Variants in LRP1B observed in about 807,000 individuals in gnomAD.
The protein encoded by LRP1B is low-density lipoprotein receptor-related protein 1B.
In LRP1B, 217 loss-of-function variants were observed where a neutral mutation model predicts 556.6. That is an observed-to-expected ratio of 0.39 (90% CI 0.35 to 0.44). The LOEUF (loss-of-function observed/expected upper bound fraction) is 0.44. Among genes scored for constraint, LRP1B ranks in the 20% least tolerant of loss-of-function variants. The pLI is 1.00. For missense variants in LRP1B, 5,053 were observed against 5,620.8 expected (o/e 0.90, Z 3.23); for synonymous variants, 2,047 against 1,865.8 (o/e 1.10, Z -2.50).
intron 2 of LRP1B, among the ~76,000 whole-genome samples, chr2:141,638,383 T>A (rs1175407740): frequency 6.6e-6 from 1 of 151,892 alleles, no homozygotes; most frequent in Non-Finnish European, 1.5e-5. Context: ...AAATCTCTTT[T>A]TTTGTTGTTG....
intron 1 of LRP1B, among the ~76,000 whole-genome samples, chr2:141,819,480 C>T (rs1385243706): frequency 2.0e-5 from 3 of 151,992 alleles, no homozygotes; most frequent in Non-Finnish European, 4.4e-5. Context: ...TTGAGATAAG[C>T]CAGGAAAAGA....
intron 3 of LRP1B, among the ~76,000 whole-genome samples, chr2:141,392,478 A>AG (rs1242838424): frequency 4.1e-5 from 6 of 145,840 alleles, no homozygotes; most frequent in African/African-American, 1.6e-4. Flanking sequence ...AAAAAAAAAA[A>AG]AAAGAGAGAC....
intron 43 of LRP1B, among the ~76,000 whole-genome samples, chr2:140,590,445 G>A (rs116640880): frequency 0.02 from 3,027 of 151,650 alleles, 50 homozygotes; most frequent in Non-Finnish European, 0.032. Flanking sequence ...TTGAAGCCCT[G>A]ACTCCCAATA....
chr2:141,709,606 C>T (rs931798538), intron 2 of LRP1B, among the ~76,000 whole-genome samples: 7 of 151,968 alleles, frequency 4.6e-5, no homozygotes, highest in Non-Finnish European at 8.8e-5. Flanking sequence ...AGTATTAAGA[C>T]GTATGAGTAA....
intron 66 of LRP1B, among the ~76,000 whole-genome samples, chr2:140,419,146 G>A (rs562194926): frequency 6.6e-6 from 1 of 152,140 alleles, no homozygotes; most frequent in East Asian, 1.9e-4. Flanking sequence ...ATAATCAAAA[G>A]AAACCTGGAG....
chr2:140,891,349 C>T (rs1031302832), intron 23 of LRP1B, among the ~76,000 whole-genome samples: 1 of 152,096 alleles, frequency 6.6e-6, no homozygotes. Flanking sequence ...GAAAAAGAGT[C>T]CTTCTTCAGA....
chr2:141,763,916 T>C (rs1053307852), intron 2 of LRP1B, among the ~76,000 whole-genome samples: 1 of 152,070 alleles, frequency 6.6e-6, no homozygotes, highest in Non-Finnish European at 1.5e-5. Flanking sequence ...ATATCAACAA[T>C]GGTAACCTCT....
At chr2:141,444,739 C>G (rs1377372828) in intron 3 of LRP1B, among the ~76,000 whole-genome samples, 2 of 152,120 alleles carry the variant, frequency 1.3e-5, no homozygotes, top group African/African-American at 4.8e-5. Context: ...TTATTGATTT[C>G]CACATGTTAA....
At chr2:141,091,423 C>A (rs558287082) in intron 7 of LRP1B, among the ~76,000 whole-genome samples, 5 of 152,254 alleles carry the variant, frequency 3.3e-5, no homozygotes, top group South Asian at 4.2e-4. Flanking sequence ...ACAACAACAA[C>A]AAAAAACATT....
At chr2:141,150,869 T>TTGTGTGTA (rs1553467369) in intron 7 of LRP1B, among the ~76,000 whole-genome samples, 1 of 138,626 alleles carries the variant, frequency 7.2e-6, no homozygotes, top group Non-Finnish European at 1.5e-5. Flanking sequence ...TCATGCTGGT[T>TTGTGTGTA]TGTGTGTGTG....
In LRP1B at chr2:140,603,846, TTTAA is replaced by T. The variant is rs200129405; in HGVS notation, c.6800-2211_6800-2208del. On this transcript the variant is annotated intron_variant, in intron 41 of 90. Coordinates refer to ENST00000389484, the MANE Select transcript of LRP1B (RefSeq NM_018557.3). ...TGTTTAGATCCTTATAAAATTATAT[TTTAA>T]TTAACAAAAAGCCAATTAAAATTAT... Among the ~76,000 whole-genome samples, 1,030 of 152,242 alleles carry T rather than the reference TTTAA, an allele frequency of 6.8e-3. 11 individuals are homozygous for T. Among genetic ancestry groups the T allele is most frequent in the African/African-American group, 0.023 (968 of 41,540 alleles).
chr2:141,801,967 G>A (rs1389205521), intron 2 of LRP1B, among the ~76,000 whole-genome samples: 5 of 152,036 alleles, frequency 3.3e-5, no homozygotes, highest in Non-Finnish European at 7.4e-5. Context: ...GATGGCTTAA[G>A]CAACAGAAAT....
rs139037670 is a variant in LRP1B, at chr2:141,450,286, T to G, written c.343+30110A>C. ...GCTAATAGTGAATAAGAGCACAGGT[T>G]CCAGAGTCTGGCCAAATATCAAATT... On this transcript the variant is annotated intron_variant, in intron 3 of 90. Transcript: ENST00000389484. Among the ~76,000 whole-genome samples, 1,364 of 152,292 alleles carry G rather than the reference T, an allele frequency of 9.0e-3. 20 individuals are homozygous for G. The highest frequency in any genetic ancestry group is 0.031 in the African/African-American group (1,288 of 41,566).
chr2:141,254,663 A>AGAGAATATATTTG, intron 3 of LRP1B, 22 bp from the exon 4 acceptor site: 1 of 1,551,520 alleles, frequency 6.4e-7, no homozygotes, highest in Non-Finnish European at 8.8e-7. Flanking sequence ...AAACAAATAT[A>AGAGAATATATTTG]TTCTCTATAT....
rs1319475897 is a variant in LRP1B, at chr2:140,776,232, T to C, written c.5366A>G (p.Lys1789Arg). 1 of 1,580,570 alleles carries C rather than the reference T, an allele frequency of 6.3e-7. No homozygotes were observed. Among genetic ancestry groups the C allele is most frequent in the Non-Finnish European group, 8.6e-7 (1 of 1,165,720 alleles). The change falls in exon 33 of 91, where the codon AAA becomes AGA. Residue 1789 changes from lysine (K) to arginine (R), a missense_variant. By Grantham distance (26) the Lys-to-Arg change is conservative. This residue lies in a region of LRP1B where 3,619 missense variants were observed against 3,931.9 expected (regional missense o/e 0.92). Transcript: ENST00000389484. ...KATALTIMDK[K>R]LWWADQNLAQ... ...TAAGTTTTGGTCTGCCCACCACAGT[T>C]TCTTATCTAGAAAAAGGAAAGATAT...
intron 29 of LRP1B, among the ~76,000 whole-genome samples, chr2:140,843,980 T>C (rs939808776): frequency 6.6e-6 from 1 of 152,062 alleles, no homozygotes; most frequent in Admixed American, 6.6e-5. Context: ...ATTTTAAGAG[T>C]ATGTGAACTG....
chr2:142,052,877 G>A (rs1004784635), intron 1 of LRP1B, among the ~76,000 whole-genome samples: 1 of 152,124 alleles, frequency 6.6e-6, no homozygotes. Flanking sequence ...CAGGGGTAGT[G>A]CTAATTGATT....
chr2:141,386,279 G>C (rs1413680004), intron 3 of LRP1B, among the ~76,000 whole-genome samples: 1 of 152,010 alleles, frequency 6.6e-6, no homozygotes, highest in Non-Finnish European at 1.5e-5. Flanking sequence ...AACACTTATG[G>C]TTTCAAACAT....
chr2:142,079,500 T>TC (rs1249961579), intron 1 of LRP1B, among the ~76,000 whole-genome samples: 2 of 11,204 alleles, frequency 1.8e-4, no homozygotes, highest in Non-Finnish European at 6.1e-4. Context: ...TTTCTTTCTC[T>TC]TTTTTTTTAT....
Sources: gnomAD v4.1 joint callset for allele counts (sites outside exome capture counted in the v4.1 genomes callset) on GRCh38, gnomAD v4.1.1 for gene constraint, gnomAD v4.1.1 regional missense constraint, MANE v1.5 for transcripts, NCBI Gene and HGNC (gene_info 2026-07-23, HGNC 2026-07-21) for gene names.